Variants in MGLL observed in about 807,000 individuals in gnomAD.
The protein encoded by MGLL is lysophospholipase homolog.
A neutral mutation model predicts 29.1 loss-of-function variants in MGLL; 7 were observed. The ratio of observed to expected loss-of-function variants is 0.24; its 90% CI spans 0.14 to 0.45. The LOEUF (loss-of-function observed/expected upper bound fraction) is 0.45. MGLL is among the 20% of genes least tolerant of loss of function. The pLI, the probability that MGLL is intolerant of heterozygous loss-of-function variation, is 0.99. For missense variants in MGLL, 356 were observed against 413.6 expected, an observed-to-expected ratio of 0.86 and a Z score of 1.21; for synonymous variants, 148 against 168.3, an observed-to-expected ratio of 0.88 and a Z score of 0.93.
chr3:127,690,659 C>T lies in MGLL; in HGVS notation c.*1539G>A, dbSNP rs1443730486. ...CAGAACCCCTACATTGCACCTTCTG[C>T]AGGGCTTCAACGGTGGCAAAGCCCT... On this transcript the variant is annotated 3_prime_UTR_variant, in exon 8 of 8. Transcript: ENST00000265052. The T allele has an allele frequency of 1.3e-5, 2 of 152,786 alleles. No homozygotes were observed. Among genetic ancestry groups the T allele is most frequent in the African/African-American group, 2.4e-5 (1 of 41,474 alleles). The allele number at this position is 152,786 out of a possible 1,614,324, so 9.5% of individuals were successfully genotyped here. A position where few individuals can be genotyped will look rare whatever the true frequency, so the allele number is the denominator to read the frequency against.
chr3:127,798,412 C>T lies in MGLL; in HGVS notation c.156-16517G>A, dbSNP rs75798483. Among the ~76,000 whole-genome samples the T allele has an allele frequency of 2.6e-3, 403 of 152,264 alleles. 2 individuals carry two copies. The highest frequency in any genetic ancestry group is 8.3e-3 in the African/African-American group (343 of 41,560). On this transcript the variant is annotated intron_variant, in intron 2 of 7. Transcript: ENST00000265052. ...TCACAGTCCTGGGGCTCCGAAGTACCCTGCTGGGACCCCAGGGCCCTGTTC... is the reference window on the plus strand; with the variant it reads ...TCACAGTCCTGGGGCTCCGAAGTACTCTGCTGGGACCCCAGGGCCCTGTTC...
At chr3:127,797,710 C>T (rs1372317430) in intron 2 of MGLL, among the ~76,000 whole-genome samples, 1 of 152,160 alleles carries the variant, frequency 6.6e-6, no homozygotes, top group East Asian at 1.9e-4. Context: ...CGGGCTCAAG[C>T]GGTCCTCCCA....
At chr3:127,757,979 T>C (rs772984152) in intron 3 of MGLL, among the ~76,000 whole-genome samples, 1 of 152,224 alleles carries the variant, frequency 6.6e-6, no homozygotes, top group African/African-American at 2.4e-5. Flanking sequence ...TCCTGTTTTA[T>C]AGAGGAGAAA....
intron 6 of MGLL, among the ~76,000 whole-genome samples, chr3:127,699,689 G>A (rs1367730844): frequency 6.6e-6 from 1 of 152,192 alleles, no homozygotes; most frequent in Non-Finnish European, 1.5e-5. Context: ...AGAGGAGAAG[G>A]TGAAGGTCAG....
rs373777436 is a variant in MGLL, at chr3:127,809,365, C to T, written c.155+12329G>A. Among the ~76,000 whole-genome samples, 70 of 152,210 alleles carry T rather than the reference C, an allele frequency of 4.6e-4. No homozygotes were observed. The South Asian group carries it at 0.014, about 31-fold the overall frequency. ...ATGAGGCCAGGTGTGGTGGCTCACA[C>T]CTGGAATACCAGCACTTTTGGAGGC... is the stretch of plus-strand genomic sequence containing the variant. On this transcript the variant is annotated intron_variant, in intron 2 of 7. Transcript: ENST00000265052.
At chr3:127,796,307 G>A (rs892231550) in intron 2 of MGLL, among the ~76,000 whole-genome samples, 1 of 152,120 alleles carries the variant, frequency 6.6e-6, no homozygotes, top group East Asian at 1.9e-4. Context: ...CCTACATTGG[G>A]CCTCGGCTTT....
chr3:127,708,265 G>A (rs1218519857), intron 6 of MGLL, among the ~76,000 whole-genome samples: 1 of 152,242 alleles, frequency 6.6e-6, no homozygotes. Context: ...GGGAGGGAAA[G>A]GCGTGCTCTT....
At chr3:127,715,757 G>A (rs1263854867) in intron 5 of MGLL, 3 of 456,694 alleles carry the variant, frequency 6.6e-6, no homozygotes, top group Non-Finnish European at 1.3e-5. Flanking sequence ...GGATCACATT[G>A]TCGAGGTCGA....
chr3:127,717,584 T>C (rs2075839766), intron 5 of MGLL, among the ~76,000 whole-genome samples: 1 of 152,148 alleles, frequency 6.6e-6, no homozygotes, highest in Non-Finnish European at 1.5e-5. Flanking sequence ...TGGGAGTATC[T>C]TGAAGCACTG....
rs553949012 is a variant in MGLL, at chr3:127,818,425, G to T, written c.155+3269C>A. ...GAATTTCAACACGTTGCCCAGGCTG[G>T]TCTCAAACTCCTGGTCTCAAGGAAT... On this transcript the variant is annotated intron_variant, in intron 2 of 7. Coordinates refer to ENST00000265052, the MANE Select transcript of MGLL (RefSeq NM_007283.7). Among the ~76,000 whole-genome samples, 4 of 151,642 alleles carry T rather than the reference G, an allele frequency of 2.6e-5. No homozygotes were observed. The South Asian group carries it at 8.4e-4, about 32-fold the overall frequency.
At chr3:127,792,660 G>A (rs1020632353) in intron 2 of MGLL, among the ~76,000 whole-genome samples, 1 of 151,716 alleles carries the variant, frequency 6.6e-6, no homozygotes, top group Non-Finnish European at 1.5e-5. Context: ...ACGAGATCGC[G>A]CCATTGCACT....
intron 2 of MGLL, among the ~76,000 whole-genome samples, chr3:127,786,412 G>A (rs2077214250): frequency 6.6e-6 from 1 of 152,246 alleles, no homozygotes; most frequent in Non-Finnish European, 1.5e-5. Flanking sequence ...TTGCAGAGGA[G>A]GCTGGCTAAG....
At chr3:127,767,265 G>A (rs1202205703) in intron 3 of MGLL, among the ~76,000 whole-genome samples, 2 of 152,098 alleles carry the variant, frequency 1.3e-5, no homozygotes, top group African/African-American at 4.8e-5. Context: ...CACCCATCCT[G>A]TTAGATGAGG....
At chr3:127,711,084 A>G in intron 5 of MGLL, 1 of 273,550 alleles carries the variant, frequency 3.7e-6, no homozygotes, top group South Asian at 4.0e-5. Flanking sequence ...GAAGCAGGGC[A>G]GTGCGGAAGG....
chr3:127,693,469 C>A (rs549888311), intron 7 of MGLL, among the ~76,000 whole-genome samples: 1 of 152,212 alleles, frequency 6.6e-6, no homozygotes, highest in African/African-American at 2.4e-5. Context: ...CCGCCACCAG[C>A]GTCCCTGACT....
Position 127,691,515 on chromosome 3 carries a change from GA to G in MGLL, c.*682del, listed in dbSNP as rs1312729493. The G allele has an allele frequency of 6.6e-6, 1 of 152,568 alleles. No homozygotes were observed. The highest frequency in any genetic ancestry group is 1.9e-4 in the East Asian group (1 of 5,192). The allele number at this position is 152,568 out of a possible 1,614,324, so 9.5% of individuals were successfully genotyped here. On this transcript the variant is annotated 3_prime_UTR_variant, in exon 8 of 8. Coordinates refer to ENST00000265052, the MANE Select transcript of MGLL (RefSeq NM_007283.7). Reference sequence around the variant, plus strand: ...ACCAACCTGAGCCTCCCCCTGGCAGGAGGGGAAGGGCAGGGGACAGAGAAGA... The same window carrying G: ...ACCAACCTGAGCCTCCCCCTGGCAGGGGGGAAGGGCAGGGGACAGAGAAGA...
chr3:127,723,410 C>T (rs1367101287), intron 3 of MGLL, among the ~76,000 whole-genome samples: 1 of 152,164 alleles, frequency 6.6e-6, no homozygotes, highest in African/African-American at 2.4e-5. Flanking sequence ...CCTCTGCCAC[C>T]TCTGGGGAGG....
At chr3:127,713,015 C>T (rs1225449689) in intron 5 of MGLL, 2 of 152,338 alleles carry the variant, frequency 1.3e-5, no homozygotes, top group Non-Finnish European at 2.9e-5. Flanking sequence ...GTGGCCTTCA[C>T]TAGACTCTGG....
intron 6 of MGLL, among the ~76,000 whole-genome samples, chr3:127,708,729 TG>T (rs1347976176): frequency 1.3e-5 from 2 of 152,218 alleles, no homozygotes; most frequent in Non-Finnish European, 2.9e-5. Context: ...CAAAGATCAC[TG>T]GTTTTACCAG....
Sources: gnomAD v4.1 joint callset for allele counts (sites outside exome capture counted in the v4.1 genomes callset) on GRCh38, gnomAD v4.1.1 for gene constraint, MANE v1.5 for transcripts, NCBI Gene and HGNC (gene_info 2026-07-23, HGNC 2026-07-21) for gene names.